LRMDA: variants seen among roughly 807,000 people sequenced by gnomAD.
LRMDA encodes leucine rich melanocyte differentiation associated.
Under a neutral mutation model 29.8 loss-of-function variants are expected in LRMDA, and 18 were observed. The observed-to-expected ratio is 0.60, with a 90% CI of 0.42 to 0.90. The LOEUF (loss-of-function observed/expected upper bound fraction) is 0.90. Among genes scored for constraint, LRMDA ranks in the 40% least tolerant of loss-of-function variants. LRMDA has a pLI of 0.00. For missense variants in LRMDA, 273 were observed against 273.9 expected (o/e 1.00, Z 0.02); for synonymous variants, 125 against 109.4 (o/e 1.14, Z -0.89).
intron 5 of LRMDA, among the ~76,000 whole-genome samples, chr10:76,133,300 A>C (rs1359874642): frequency 6.6e-6 from 1 of 151,976 alleles, no homozygotes; most frequent in Non-Finnish European, 1.5e-5. Context: ...TTTCTTAAGA[A>C]AGCAGTAAGT....
chr10:75,678,998 C>T (rs1038713764), intron 2 of LRMDA, among the ~76,000 whole-genome samples: 33 of 152,148 alleles, frequency 2.2e-4, no homozygotes, highest in Non-Finnish European at 7.4e-5. Flanking sequence ...CCTTAAATCA[C>T]ACTCCTGATG....
At chr10:75,498,971 G>C (rs1196020861) in intron 2 of LRMDA, among the ~76,000 whole-genome samples, 1 of 152,124 alleles carries the variant, frequency 6.6e-6, no homozygotes, top group Non-Finnish European at 1.5e-5. Context: ...AAGAGGGTAT[G>C]TGTTTGAGTG....
chr10:75,691,053 A>ATATATATCTGCCATAGATATATAGATC (rs1842141110), intron 2 of LRMDA, among the ~76,000 whole-genome samples: 1 of 139,788 alleles, frequency 7.2e-6, no homozygotes, highest in Non-Finnish European at 1.6e-5. Flanking sequence ...GATGTGGCAG[A>ATATATATCTGCCATAGATATATAGATC]TATATATCTG....
intron 6 of LRMDA, among the ~76,000 whole-genome samples, chr10:76,335,304 A>G (rs1475954366): frequency 6.6e-6 from 1 of 152,226 alleles, no homozygotes; most frequent in African/African-American, 2.4e-5. Context: ...TATGTCTCCC[A>G]CATGAGGATT....
At chr10:75,538,841 A>G (rs1839983021) in intron 2 of LRMDA, among the ~76,000 whole-genome samples, 1 of 152,222 alleles carries the variant, frequency 6.6e-6, no homozygotes, top group Non-Finnish European at 1.5e-5. Context: ...TTTTATAAAC[A>G]TCCCCAGGCA....
intron 2 of LRMDA, among the ~76,000 whole-genome samples, chr10:75,799,263 A>G (rs1027611807): frequency 1.3e-5 from 2 of 152,170 alleles, no homozygotes; most frequent in African/African-American, 4.8e-5. Flanking sequence ...ACACATATTT[A>G]TGATTCGTAT....
intron 5 of LRMDA, among the ~76,000 whole-genome samples, chr10:76,086,684 C>T (rs138184912): frequency 2.0e-5 from 3 of 152,036 alleles, no homozygotes; most frequent in African/African-American, 4.8e-5. Context: ...TGGAGGGGCC[C>T]GAATGAAAAA....
chr10:75,911,017 T>TA (rs1283566338), intron 2 of LRMDA, among the ~76,000 whole-genome samples: 1 of 152,074 alleles, frequency 6.6e-6, no homozygotes, highest in East Asian at 1.9e-4. Context: ...CAGCATTTTT[T>TA]TTTTGGAGAG....
At chr10:75,438,313 C>A (rs1470153966) in intron 1 of LRMDA, 81 bp from the exon 2 acceptor site, 13 of 1,084,962 alleles carry the variant, frequency 1.2e-5, no homozygotes, top group African/African-American at 6.3e-5. Context: ...CAGAAGCAAT[C>A]ATTGGATCAG....
chr10:76,169,803 A>G (rs1850802603), intron 5 of LRMDA, among the ~76,000 whole-genome samples: 1 of 152,216 alleles, frequency 6.6e-6, no homozygotes, highest in Admixed American at 6.5e-5. Context: ...CCAGCTTAGT[A>G]GAAATGGTAG....
intron 5 of LRMDA, among the ~76,000 whole-genome samples, chr10:76,088,068 C>T (rs951392666): frequency 1.3e-5 from 2 of 152,106 alleles, no homozygotes; most frequent in South Asian, 2.1e-4. Flanking sequence ...TACAGTGAGC[C>T]GTGATTATAC....
chr10:75,622,249 CAT>C (rs1387758524), intron 2 of LRMDA, among the ~76,000 whole-genome samples: 1 of 151,932 alleles, frequency 6.6e-6, no homozygotes, highest in African/African-American at 2.4e-5. Context: ...TAAATTCAGA[CAT>C]AGACAAAGAT....
chr10:76,230,244 T>C (rs1852033475), intron 5 of LRMDA, among the ~76,000 whole-genome samples: 1 of 152,202 alleles, frequency 6.6e-6, no homozygotes, highest in East Asian at 1.9e-4. Context: ...ATTCAGTTGC[T>C]TCCACACATA....
Position 75,850,008 on chromosome 10 carries a change from A to T in LRMDA, c.132-186000A>T, listed in dbSNP as rs530912939. 8.7e-4 allele frequency among the ~76,000 whole-genome samples: 132 copies of T among 152,338 alleles called. 3 individuals are homozygous for T. The South Asian group carries it at 0.015, about 17-fold the overall frequency. On this transcript the variant is annotated intron_variant, in intron 2 of 6. Transcript: ENST00000611255. ...ATATAAATTGTGAAATGGGATGGAAATAAATGCTGGTATCTTAGACTTTAT... is the reference window on the plus strand; with the variant it reads ...ATATAAATTGTGAAATGGGATGGAATTAAATGCTGGTATCTTAGACTTTAT...
intron 5 of LRMDA, among the ~76,000 whole-genome samples, chr10:76,282,527 A>G (rs1366415278): frequency 6.6e-6 from 1 of 152,114 alleles, no homozygotes; most frequent in Non-Finnish European, 1.5e-5. Context: ...AGACTTTGTG[A>G]TTTATGGCTT....
chr10:76,376,863 G>GT lies in LRMDA; in HGVS notation c.601+52379dup, dbSNP rs1328971150. Among the ~76,000 whole-genome samples, 4 of 20,502 alleles carry GT rather than the reference G, an allele frequency of 2.0e-4. 2 individuals carry two copies. Among genetic ancestry groups the GT allele is most frequent in the African/African-American group, 4.0e-4 (2 of 4,986 alleles). 13.5% of individuals were successfully genotyped at this position (20,502 alleles called of 152,430 possible). ...TCAAATGTTTGTTGGGCACTTGGAA[G>GT]TCTTTTTTTTTTTTTTTTTTTTTTT... On this transcript the variant is annotated intron_variant, in intron 6 of 6. Coordinates refer to ENST00000611255, the MANE Select transcript of LRMDA (RefSeq NM_001305581.2).
At chr10:75,753,589 G>A (rs1446544395) in intron 2 of LRMDA, among the ~76,000 whole-genome samples, 2 of 152,200 alleles carry the variant, frequency 1.3e-5, no homozygotes, top group Non-Finnish European at 1.5e-5. Flanking sequence ...GGCTAGGAAG[G>A]TGGGGAACGG....
At chr10:76,287,822 G>T (rs1293252352) in intron 5 of LRMDA, among the ~76,000 whole-genome samples, 2 of 152,088 alleles carry the variant, frequency 1.3e-5, no homozygotes, top group Non-Finnish European at 1.5e-5. Flanking sequence ...GCCACACCAG[G>T]CCCTTCAGAT....
intron 2 of LRMDA, among the ~76,000 whole-genome samples, chr10:75,686,224 G>A (rs1309527341): frequency 6.6e-6 from 1 of 152,182 alleles, no homozygotes; most frequent in African/African-American, 2.4e-5. Flanking sequence ...GCATATGAGA[G>A]CATTTAGAGA....
Sources: allele counts gnomAD v4.1 joint callset (sites outside exome capture counted in the v4.1 genomes callset), GRCh38; gene constraint gnomAD v4.1.1; transcripts MANE v1.5; gene names NCBI Gene and HGNC (gene_info 2026-07-23, HGNC 2026-07-21).